The following CADM2 variants were observed in gnomAD, a reference collection of about 807,000 sequenced individuals.
The protein encoded by CADM2 is immunoglobulin superfamily member 4D.
CADM2 carries 12 observed loss-of-function variants against 49.8 expected under a neutral mutation model. The ratio of observed to expected loss-of-function variants is 0.24; its 90% CI spans 0.15 to 0.39. The LOEUF (loss-of-function observed/expected upper bound fraction) is 0.39, where lower values mean the gene tolerates loss of function less well. CADM2 is among the 10% of genes least tolerant of loss of function. The pLI, the probability that CADM2 is intolerant of heterozygous loss-of-function variation, is 1.00. For synonymous variants in CADM2, 214 were observed against 175.4 expected, an observed-to-expected ratio of 1.22 and a Z score of -1.74; for missense variants, 378 against 492.3, an observed-to-expected ratio of 0.77 and a Z score of 2.20.
intron 1 of CADM2, among the ~76,000 whole-genome samples, chr3:85,626,773 TC>T (rs933295929): frequency 5.3e-5 from 8 of 152,000 alleles, no homozygotes; most frequent in Non-Finnish European, 1.0e-4. Flanking sequence ...TCCCACATTT[TC>T]CCCCCTTTCT....
intron 2 of CADM2, among the ~76,000 whole-genome samples, chr3:85,782,072 G>A (rs2070684684): frequency 6.6e-6 from 1 of 152,204 alleles, no homozygotes; most frequent in South Asian, 2.1e-4. Context: ...CAGCCACTTA[G>A]TGTAGCTTTT....
At chr3:85,975,723 TG>T (rs1726692100) in intron 8 of CADM2, among the ~76,000 whole-genome samples, 1 of 151,606 alleles carries the variant, frequency 6.6e-6, no homozygotes, top group Non-Finnish European at 1.5e-5. Flanking sequence ...CATTTATAGT[TG>T]GTTAAATTAA....
chr3:84,990,427 T>C (rs921083637), intron 1 of CADM2, among the ~76,000 whole-genome samples: 4 of 151,796 alleles, frequency 2.6e-5, no homozygotes, highest in Non-Finnish European at 5.9e-5. Context: ...TATTTCAATA[T>C]AGTTGTATAA....
intron 1 of CADM2, among the ~76,000 whole-genome samples, chr3:85,260,525 G>A (rs917796115): frequency 9.9e-5 from 15 of 152,096 alleles, no homozygotes; most frequent in African/African-American, 3.6e-4. Context: ...AGTAATTGTA[G>A]CTGTTGTGTT....
intron 1 of CADM2, among the ~76,000 whole-genome samples, chr3:85,548,854 A>G (rs1388317456): frequency 6.6e-6 from 1 of 152,198 alleles, no homozygotes; most frequent in Non-Finnish European, 1.5e-5. Context: ...GTGTCTAATA[A>G]AGTAAGTGGC....
At chr3:85,487,823 T>G (rs1288221117) in intron 1 of CADM2, among the ~76,000 whole-genome samples, 4 of 152,016 alleles carry the variant, frequency 2.6e-5, no homozygotes, top group African/African-American at 9.7e-5. Flanking sequence ...AACCATGCAT[T>G]TAATGCCTAA....
intron 6 of CADM2, among the ~76,000 whole-genome samples, chr3:85,919,433 A>C (rs35143900): frequency 0.19 from 28,621 of 151,772 alleles, 2,832 homozygotes; most frequent in African/African-American, 0.24. Context: ...CTGAAGTGTT[A>C]AAATTGTGTT....
chr3:85,933,385 G>T (rs1447356876), intron 6 of CADM2, among the ~76,000 whole-genome samples: 1 of 152,076 alleles, frequency 6.6e-6, no homozygotes, highest in African/African-American at 2.4e-5. Flanking sequence ...TGCTCATAGT[G>T]TAATCTGCTC....
At chr3:86,023,266 A>G (rs1733429326) in intron 8 of CADM2, among the ~76,000 whole-genome samples, 1 of 152,240 alleles carries the variant, frequency 6.6e-6, no homozygotes, top group Admixed American at 6.5e-5. Flanking sequence ...CCTGTAAATT[A>G]CATTACTTAT....
At chr3:85,988,024 C>T (rs1319881377) in intron 8 of CADM2, among the ~76,000 whole-genome samples, 2 of 151,962 alleles carry the variant, frequency 1.3e-5, no homozygotes, top group East Asian at 1.9e-4. Context: ...GGTGAAACAC[C>T]GAATTGATAC....
chr3:85,936,079 T>C (rs1251707862), intron 7 of CADM2, among the ~76,000 whole-genome samples: 1 of 151,796 alleles, frequency 6.6e-6, no homozygotes, highest in Non-Finnish European at 1.5e-5. Flanking sequence ...CCAGCTGTTA[T>C]TTCTTTTTGT....
chr3:86,015,006 A>C, intron 8 of CADM2: 1 of 1,012,310 alleles, frequency 9.9e-7, no homozygotes. Context: ...GGCTTTGCTT[A>C]ACATAAATTG....
rs113768642 is a variant in CADM2 at position 85,364,999 on chromosome 3, G to A, written c.62-361523G>A. On this transcript the variant is annotated intron_variant, in intron 1 of 9. Transcript: ENST00000383699. Reference sequence around the variant, plus strand: ...ATTTTTCACATCCTAATGCAAACATGGTTAGCATATTTGCAATTAGATCTT... The same window carrying A: ...ATTTTTCACATCCTAATGCAAACATAGTTAGCATATTTGCAATTAGATCTT... Among the ~76,000 whole-genome samples, 562 of 152,054 alleles carry A rather than the reference G, an allele frequency of 3.7e-3. 1 individual carries two copies. The highest frequency in any genetic ancestry group is 9.4e-3 in the Admixed American group (143 of 15,278).
chr3:85,987,589 T>A (rs1388489896), intron 8 of CADM2, among the ~76,000 whole-genome samples: 1 of 147,228 alleles, frequency 6.8e-6, no homozygotes, highest in Non-Finnish European at 1.5e-5. Flanking sequence ...TTAAAATAAA[T>A]AAAATTGTTA....
intron 8 of CADM2, among the ~76,000 whole-genome samples, chr3:86,018,119 T>C (rs1457564172): frequency 1.1e-4 from 14 of 126,790 alleles, no homozygotes; most frequent in African/African-American, 3.9e-4. Context: ...TGAGTGAGAA[T>C]ATGCGGTGTT....
intron 1 of CADM2, among the ~76,000 whole-genome samples, chr3:84,987,268 G>C (rs1223041833): frequency 6.6e-6 from 1 of 151,626 alleles, no homozygotes; most frequent in East Asian, 2.0e-4. Flanking sequence ...GGTGTCTTCT[G>C]TTAGCATTTT....
chr3:85,996,856 C>T (rs1038774991), intron 8 of CADM2, among the ~76,000 whole-genome samples: 1 of 152,100 alleles, frequency 6.6e-6, no homozygotes, highest in Non-Finnish European at 1.5e-5. Flanking sequence ...GATTATTTGA[C>T]CAAGTCTTAA....
chr3:85,353,462 A>G (rs1473600127), intron 1 of CADM2, among the ~76,000 whole-genome samples: 1 of 150,580 alleles, frequency 6.6e-6, no homozygotes, highest in Admixed American at 6.6e-5. Flanking sequence ...TCTGTCTTCT[A>G]TTTTTCATTT....
chr3:85,117,223 A>T (rs966377671), intron 1 of CADM2, among the ~76,000 whole-genome samples: 1 of 138,766 alleles, frequency 7.2e-6, no homozygotes, highest in East Asian at 2.0e-4. Context: ...TCAGTCTCAA[A>T]AAAAGAAAAA....
Sources: gnomAD v4.1 joint callset for allele counts (sites outside exome capture counted in the v4.1 genomes callset) on GRCh38, gnomAD v4.1.1 for gene constraint, MANE v1.5 for transcripts, NCBI Gene and HGNC (gene_info 2026-07-23, HGNC 2026-07-21) for gene names.